The following DOCK9 variants were observed in gnomAD, a reference collection of about 807,000 sequenced individuals.
DOCK9 encodes the protein dedicator of cytokinesis protein 9.
Under a neutral mutation model 263.3 loss-of-function variants are expected in DOCK9, and 89 were observed. The ratio of observed to expected loss-of-function variants is 0.34; its 90% CI spans 0.28 to 0.40. The LOEUF (loss-of-function observed/expected upper bound fraction) is 0.40. Ranked by LOEUF, DOCK9 falls within the 10% of genes least tolerant of loss-of-function variation. DOCK9 has a pLI of 1.00. For missense variants in DOCK9, 2,140 were observed against 2,603.4 expected (o/e 0.82, Z 3.87); for synonymous variants, 976 against 973.1 (o/e 1.00, Z -0.06).
intron 13 of DOCK9, among the ~76,000 whole-genome samples, chr13:98,898,631 A>G (rs1566900965): frequency 6.6e-6 from 1 of 152,230 alleles, no homozygotes; most frequent in Non-Finnish European, 1.5e-5. Flanking sequence ...ATATCAAAAT[A>G]TATCACATTA....
At chr13:98,846,930 CAG>C in intron 37 of DOCK9, 2 of 265,938 alleles carry the variant, frequency 7.5e-6, no homozygotes, top group Non-Finnish European at 1.5e-5. Flanking sequence ...TATCTTTCCA[CAG>C]TGCATGGAGC....
At position 99,051,855 on chromosome 13, in the gene DOCK9, C is replaced by CAAAAAAAAAA. The variant is rs11392986; in HGVS notation, c.129+34358_129+34367dup. On this transcript the variant is annotated intron_variant, in intron 1 of 32. Transcript: ENST00000427887. ...GCTAAAGAACATGTTCCACTAGTGG[C>CAAAAAAAAAA]AAAAAAAAAAAAAAAAAAAAAATCA... 1.2e-3 allele frequency among the ~76,000 whole-genome samples: 128 copies of CAAAAAAAAAA among 106,038 alleles called. 2 individuals carry two copies. Among genetic ancestry groups the CAAAAAAAAAA allele is most frequent in the African/African-American group, 3.9e-3 (109 of 28,010 alleles). The allele number at this position is 106,038 out of a possible 152,430, so 69.6% of individuals were successfully genotyped here.
chr13:99,028,852 G>A lies in DOCK9; in HGVS notation c.129+57371C>T, dbSNP rs143037122. ...ACGAAAAGAAAGTAGTTTTTGTTGT[G>A]TGGAAGTTAAAATATGTTTAGGAGG... On this transcript the variant is annotated intron_variant, in intron 1 of 32. Transcript: ENST00000427887. Among the ~76,000 whole-genome samples the A allele has an allele frequency of 3.9e-3, 593 of 152,276 alleles. 3 individuals carry two copies. The highest frequency in any genetic ancestry group is 0.012 in the Admixed American group (182 of 15,294).
intron 50 of DOCK9, among the ~76,000 whole-genome samples, chr13:98,797,965 T>C (rs2089639372): frequency 6.6e-6 from 1 of 152,156 alleles, no homozygotes; most frequent in Non-Finnish European, 1.5e-5. Context: ...TTCATTTCAT[T>C]GAATTGTATA....
chr13:98,851,037 C>A (rs1037887126), intron 35 of DOCK9, among the ~76,000 whole-genome samples: 2 of 152,116 alleles, frequency 1.3e-5, no homozygotes, highest in Non-Finnish European at 2.9e-5. Flanking sequence ...CTACACTTGC[C>A]AAGAACAATG....
intron 1 of DOCK9, among the ~76,000 whole-genome samples, chr13:98,992,162 C>G (rs1258383628): frequency 1.3e-5 from 2 of 151,666 alleles, no homozygotes; most frequent in Admixed American, 1.3e-4. Context: ...GGATGGCTGA[C>G]TACCTGTTGA....
chr13:98,915,230 T>G (rs910710088), intron 8 of DOCK9, 99 bp downstream of exon 8: 2 of 1,196,138 alleles, frequency 1.7e-6, no homozygotes, highest in Non-Finnish European at 2.3e-6. Context: ...CCACCTCTCA[T>G]GTACTTGTGT....
At chr13:98,947,506 A>ATTTTT (rs35004750) in intron 2 of DOCK9, among the ~76,000 whole-genome samples, 3,355 of 123,618 alleles carry the variant, frequency 0.027, 198 homozygotes, top group African/African-American at 0.082. Context: ...TCTATTCAGA[A>ATTTTT]TTTTTTTTTT....
chr13:98,901,930 C>T, intron 12 of DOCK9, 30 bp from the exon 13 acceptor site: 1 of 1,605,320 alleles, frequency 6.2e-7, no homozygotes, highest in Non-Finnish European at 8.5e-7. Flanking sequence ...CTTCAGTAAG[C>T]AGAATTCACA....
intron 9 of DOCK9, among the ~76,000 whole-genome samples, chr13:98,906,449 C>T (rs1011664407): frequency 2.6e-5 from 4 of 152,112 alleles, no homozygotes; most frequent in African/African-American, 9.7e-5. Context: ...ATGCCTGGTG[C>T]CTCTAAGTCT....
intron 9 of DOCK9, 143 bp downstream of exon 9, chr13:98,914,185 C>A: frequency 1.5e-6 from 1 of 684,016 alleles, no homozygotes; most frequent in Non-Finnish European, 2.4e-6. Context: ...GTACACGTCA[C>A]CTCGTAATCA....
intron 1 of DOCK9, among the ~76,000 whole-genome samples, chr13:99,034,469 A>G (rs1182523159): frequency 2.6e-5 from 4 of 152,232 alleles, no homozygotes; most frequent in African/African-American, 4.8e-5. Context: ...AAGTCAGCCA[A>G]AATTCCTGGT....
chr13:98,901,665 T>C (rs1462629506), intron 13 of DOCK9, 113 bp downstream of exon 13: 36 of 1,244,970 alleles, frequency 2.9e-5, no homozygotes, highest in Non-Finnish European at 3.8e-5. Context: ...ATTCTACATC[T>C]TTTAGAGTAT....
At chr13:98,939,087 C>T (rs2055379086) in intron 2 of DOCK9, among the ~76,000 whole-genome samples, 1 of 152,250 alleles carries the variant, frequency 6.6e-6, no homozygotes, top group Non-Finnish European at 1.5e-5. Flanking sequence ...ACCCAGCAGC[C>T]TCCCAGGTAG....
intron 2 of DOCK9, among the ~76,000 whole-genome samples, chr13:98,932,382 A>C (rs1425951318): frequency 4.0e-5 from 6 of 149,820 alleles, no homozygotes; most frequent in Non-Finnish European, 5.9e-5. Flanking sequence ...GCAACAGAGC[A>C]AGACTCCATC....
intron 1 of DOCK9, among the ~76,000 whole-genome samples, chr13:98,973,931 T>C (rs1305594839): frequency 2.0e-5 from 3 of 152,136 alleles, no homozygotes; most frequent in Non-Finnish European, 4.4e-5. Flanking sequence ...GTACACCTAA[T>C]AGGAAAATTC....
chr13:98,923,473 A>C (rs562891845), intron 4 of DOCK9, 102 bp from the exon 5 acceptor site: 1 of 910,018 alleles, frequency 1.1e-6, no homozygotes, highest in African/African-American at 1.6e-5. Flanking sequence ...CTAAATCCAA[A>C]GATGGCCCAG....
chr13:98,807,924 A>C (rs1371722858), intron 47 of DOCK9, 117 bp from the exon 48 acceptor site: 1 of 808,304 alleles, frequency 1.2e-6, no homozygotes, highest in Admixed American at 3.2e-5. Flanking sequence ...AATCCTGCTG[A>C]AATGGGCTTT....
At chr13:98,797,030 A>G in intron 52 of DOCK9, 85 bp downstream of exon 52, 5 of 1,412,224 alleles carry the variant, frequency 3.5e-6, no homozygotes, top group South Asian at 1.2e-5. Context: ...TTCTGGAAGG[A>G]TATCAGGCGG....
Sources: gnomAD v4.1 joint callset for allele counts (sites outside exome capture counted in the v4.1 genomes callset) on GRCh38, gnomAD v4.1.1 for gene constraint, MANE v1.5 for transcripts, NCBI Gene and HGNC (gene_info 2026-07-23, HGNC 2026-07-21) for gene names.